Variants in KALRN observed in about 807,000 individuals in gnomAD.
KALRN encodes the protein kalirin RhoGEF kinase.
KALRN carries 70 observed loss-of-function variants against 353.7 expected under a neutral mutation model. The ratio of observed to expected loss-of-function variants is 0.20; its 90% confidence interval spans 0.16 to 0.24. The LOEUF is 0.24. Among genes scored for constraint, KALRN ranks in the 10% least tolerant of loss-of-function variants. The pLI, the probability that KALRN is intolerant of heterozygous loss-of-function variation, is 1.00. For synonymous variants in KALRN, 1,391 were observed against 1,434.8 expected, an observed-to-expected ratio of 0.97 and a Z score of 0.69; for missense variants, 2,791 against 3,756.7, an observed-to-expected ratio of 0.74 and a Z score of 6.72.
At chr3:124,420,533 G>A (rs554962563) in intron 14 of KALRN, among the ~76,000 whole-genome samples, 1 of 152,284 alleles carries the variant, frequency 6.6e-6, no homozygotes, top group Admixed American at 6.5e-5. Flanking sequence ...TTTGATTTCA[G>A]TCAAGGAGGT....
At position 124,641,215 on chromosome 3, in the gene KALRN, A is replaced by G. The variant is rs142176358; in HGVS notation, c.5664+3912A>G. Among the ~76,000 whole-genome samples, 4 of 152,288 alleles carry G rather than the reference A, an allele frequency of 2.6e-5. No individual in the cohort carries two copies. The East Asian group carries it at 7.7e-4, about 29-fold the overall frequency. ...TCTGCAGTGCAGATAAAACTCCCGA[A>G]GAGTCACCACCCACCCATGAGTCCT... is the stretch of plus-strand genomic sequence containing the variant. On this transcript the variant is annotated intron_variant, in intron 37 of 59. Coordinates refer to ENST00000682506, the MANE Select transcript of KALRN (RefSeq NM_001388419.1).
intron 1 of KALRN, among the ~76,000 whole-genome samples, chr3:124,141,816 C>T (rs1055636544): frequency 6.6e-6 from 1 of 152,124 alleles, no homozygotes; most frequent in Non-Finnish European, 1.5e-5. Flanking sequence ...GCCTGTGTTG[C>T]CTCAACCAGT....
intron 33 of KALRN, among the ~76,000 whole-genome samples, chr3:124,515,755 T>C (rs2066471697): frequency 6.6e-6 from 1 of 152,214 alleles, no homozygotes; most frequent in South Asian, 2.1e-4. Context: ...CCACTTAAAC[T>C]TTTTCCACTA....
At chr3:124,665,104 C>A (rs2085449520) in intron 45 of KALRN, among the ~76,000 whole-genome samples, 2 of 152,174 alleles carry the variant, frequency 1.3e-5, no homozygotes, top group South Asian at 4.1e-4. Context: ...AGAAAAATGA[C>A]CCCTCTGCTG....
At chr3:124,591,704 T>G (rs563651107) in intron 34 of KALRN, among the ~76,000 whole-genome samples, 4 of 152,170 alleles carry the variant, frequency 2.6e-5, no homozygotes, top group Non-Finnish European at 4.4e-5. Context: ...CTATTAACCA[T>G]AGCAGTAATT....
At chr3:124,368,942 C>G (rs866965150) in intron 10 of KALRN, among the ~76,000 whole-genome samples, 25 of 151,934 alleles carry the variant, frequency 1.6e-4, no homozygotes, top group African/African-American at 4.1e-4. Flanking sequence ...CGCAGGCACT[C>G]GGCAGGCTGA....
At chr3:124,552,800 T>C (rs1371183707) in intron 33 of KALRN, among the ~76,000 whole-genome samples, 1 of 152,198 alleles carries the variant, frequency 6.6e-6, no homozygotes, top group African/African-American at 2.4e-5. Context: ...AGTTTCACTC[T>C]TGTCGCCCAG....
At chr3:124,124,329 G>T (rs900751701) in intron 1 of KALRN, among the ~76,000 whole-genome samples, 1 of 152,204 alleles carries the variant, frequency 6.6e-6, no homozygotes, top group Non-Finnish European at 1.5e-5. Context: ...TAGAAGTAGA[G>T]CTTGAAGATG....
At chr3:124,093,783 AAAGG>A (rs2061262906) in intron 1 of KALRN, among the ~76,000 whole-genome samples, 1 of 152,180 alleles carries the variant, frequency 6.6e-6, no homozygotes. Flanking sequence ...AATAAAATAT[AAAGG>A]AAGGAAGATC....
At position 124,719,700 on chromosome 3, in the gene KALRN, G is replaced by T. The variant is rs893089593; in HGVS notation, c.*230G>T. 5.6e-5 allele frequency: 28 copies of T among 500,340 alleles called. No homozygotes were observed. Among genetic ancestry groups the T allele is most frequent in the Admixed American group, 3.4e-4 (10 of 29,696 alleles). 31.0% of individuals were successfully genotyped at this position (500,340 alleles called of 1,614,324 possible). ...ATTCTGAAGAAATAAAGAGGCAAAG[G>T]GTCACAGAAGTGTTCAGAAGAAGGG... On this transcript the variant is annotated 3_prime_UTR_variant, in exon 60 of 60. Transcript: ENST00000682506. The surrounding 1 kb of genome is among the most constrained non-coding windows in gnomAD (Gnocchi z 5.3).
rs947207717 is a variant in KALRN, at chr3:124,632,829, G to T, written c.5466+126G>T. ...TGTTACCTTGAGCCTAAGTGATTTGGATTCTTTTTATTCTTAAGACATTGG... is the reference window on the plus strand; with the variant it reads ...TGTTACCTTGAGCCTAAGTGATTTGTATTCTTTTTATTCTTAAGACATTGG... On this transcript the variant is annotated intron_variant, in intron 35 of 59. Transcript: ENST00000682506. The T allele has an allele frequency of 8.6e-6, 8 of 935,382 alleles. No homozygotes were observed. In the African/African-American group the frequency reaches 1.2e-4, roughly 14 times the overall value. The allele number at this position is 935,382 out of a possible 1,614,324, so 57.9% of individuals were successfully genotyped here. A position where few individuals can be genotyped will look rare whatever the true frequency, so the allele number is the denominator to read the frequency against.
At chr3:124,229,464 C>G (rs1579708356) in intron 2 of KALRN, among the ~76,000 whole-genome samples, 2 of 152,356 alleles carry the variant, frequency 1.3e-5, no homozygotes. Context: ...ACCACATGGA[C>G]CAAACCTTTA....
intron 14 of KALRN, among the ~76,000 whole-genome samples, chr3:124,419,259 A>G (rs550973534): frequency 1.3e-5 from 2 of 151,408 alleles, no homozygotes; most frequent in East Asian, 3.9e-4. Context: ...TCAAAAGTGT[A>G]TTCATTATAA....
rs1003793648 is a variant in KALRN, at chr3:124,316,297, C to A, written c.1093-9683C>A. ...GCCTCCACCTTTGCTCCCCAGCAGT[C>A]CATTCTCGACCCACAGCCTGAGTGA... On this transcript the variant is annotated intron_variant, in intron 6 of 59. Transcript: ENST00000682506. Among the ~76,000 whole-genome samples, 12 of 152,176 alleles carry A rather than the reference C, an allele frequency of 7.9e-5. 1 individual carries two copies. The highest frequency in any genetic ancestry group is 1.5e-5 in the Non-Finnish European group (1 of 68,034).
At chr3:124,384,587 C>T (rs1341392084) in intron 10 of KALRN, 3 of 366,254 alleles carry the variant, frequency 8.2e-6, no homozygotes, top group Middle Eastern at 7.2e-4. Context: ...GTTCTCTACG[C>T]TCTCCCCACT....
chr3:124,241,774 G>A (rs4678096), intron 3 of KALRN, among the ~76,000 whole-genome samples: 10,134 of 152,192 alleles, frequency 0.067, 969 homozygotes, highest in East Asian at 0.46. Context: ...CTTCCAGCAT[G>A]TGGAACATAC....
chr3:124,624,874 G>A (rs1033454819), intron 34 of KALRN, among the ~76,000 whole-genome samples: 1 of 152,172 alleles, frequency 6.6e-6, no homozygotes, highest in Non-Finnish European at 1.5e-5. Context: ...TGGAGATAGG[G>A]AGAATCTATT....
intron 1 of KALRN, among the ~76,000 whole-genome samples, chr3:124,179,071 C>T (rs1034165267): frequency 6.6e-6 from 1 of 151,964 alleles, no homozygotes; most frequent in African/African-American, 2.4e-5. Flanking sequence ...CACACTATGG[C>T]ATTCCAGCCT....
chr3:124,083,114 G>A (rs574276673), intron 1 of KALRN, among the ~76,000 whole-genome samples: 1 of 152,238 alleles, frequency 6.6e-6, no homozygotes, highest in Non-Finnish European at 1.5e-5. Flanking sequence ...TCCAGGTATA[G>A]TCTAGGGTGT....
Sources: gnomAD v4.1 joint callset for allele counts (sites outside exome capture counted in the v4.1 genomes callset) on GRCh38, gnomAD v4.1.1 for gene constraint, Gnocchi (gnomAD v3.1) non-coding constraint, MANE v1.5 for transcripts, NCBI Gene and HGNC (gene_info 2026-07-23, HGNC 2026-07-21) for gene names.